The following DENND5A variants were observed in gnomAD, a reference collection of about 807,000 sequenced individuals.
DENND5A encodes the protein DENN domain containing 5A.
In DENND5A, 64 loss-of-function variants were observed where a neutral mutation model predicts 140.3. The ratio of observed to expected loss-of-function variants is 0.46; its 90% CI spans 0.37 to 0.56. The LOEUF (loss-of-function observed/expected upper bound fraction) is 0.56. Ranked by LOEUF, DENND5A falls within the 20% of genes least tolerant of loss-of-function variation. The pLI is 0.00. For synonymous variants in DENND5A, 605 were observed against 607.7 expected (o/e 1.00, Z 0.07); for missense variants, 1,292 against 1,593.8 (o/e 0.81, Z 3.22).
chr11:9,245,113 T>A (rs957566439), intron 1 of DENND5A, among the ~76,000 whole-genome samples: 2 of 150,560 alleles, frequency 1.3e-5, no homozygotes, highest in African/African-American at 4.9e-5. Context: ...TGAAACCCCG[T>A]TTCTACTAAA....
intron 1 of DENND5A, among the ~76,000 whole-genome samples, chr11:9,215,550 CTT>C (rs10655528): frequency 5.0e-5 from 7 of 140,488 alleles, no homozygotes; most frequent in Non-Finnish European, 6.1e-5. Context: ...ATCCTGTGTT[CTT>C]TTTTTTTTTT....
At chr11:9,237,090 A>AT (rs201399064) in intron 1 of DENND5A, among the ~76,000 whole-genome samples, 1 of 152,222 alleles carries the variant, frequency 6.6e-6, no homozygotes, top group East Asian at 1.9e-4. Context: ...ATATGAAAAG[A>AT]TGTTCAGCCT....
chr11:9,143,454 G>C lies in DENND5A; in HGVS notation c.3336C>G (p.Ile1112Met), dbSNP rs1340813014. ...KLNTGQIQES[I>M]GEAVNGIVKH... is the part of the protein sequence containing the mutation. Reference sequence around the variant, plus strand: ...TCACAATGCCATTGACTGCCTCCCCGATGGACTCCTGGATCTGCCCAGTGT... The same window carrying C: ...TCACAATGCCATTGACTGCCTCCCCCATGGACTCCTGGATCTGCCCAGTGT... The change falls in exon 20 of 23, where the codon ATC becomes ATG. Residue 1112 changes from isoleucine (I) to methionine (M), a missense_variant. By Grantham distance (10) the Ile-to-Met change is conservative. Coordinates refer to ENST00000328194, the MANE Select transcript of DENND5A (RefSeq NM_015213.4). 1.9e-6 allele frequency: 3 copies of C among 1,614,010 alleles called. No individual in the cohort carries two copies. The highest frequency in any genetic ancestry group is 2.5e-6 in the Non-Finnish European group (3 of 1,179,998).
chr11:9,190,155 G>A (rs1849067248), intron 5 of DENND5A, among the ~76,000 whole-genome samples: 1 of 152,154 alleles, frequency 6.6e-6, no homozygotes, highest in Non-Finnish European at 1.5e-5. Context: ...ACTTGCTTTT[G>A]ATTTTACAGG....
chr11:9,264,865 G>T, intron 1 of DENND5A, 96 bp downstream of exon 1: 1 of 1,158,072 alleles, frequency 8.6e-7, no homozygotes, highest in Non-Finnish European at 1.2e-6. Context: ...ACACTCGCCC[G>T]GCTCCCGGGA....
chr11:9,174,932 G>C (rs1310518411), intron 8 of DENND5A, among the ~76,000 whole-genome samples: 1 of 151,656 alleles, frequency 6.6e-6, no homozygotes, highest in Admixed American at 6.6e-5. Flanking sequence ...TCGTACTAGA[G>C]GTTCAAGCCA....
At chr11:9,243,613 C>T (rs1851336237) in intron 1 of DENND5A, among the ~76,000 whole-genome samples, 1 of 152,190 alleles carries the variant, frequency 6.6e-6, no homozygotes, top group South Asian at 2.1e-4. Context: ...CCCAGCCAGG[C>T]ACGGTGGCTC....
intron 5 of DENND5A, among the ~76,000 whole-genome samples, chr11:9,185,328 T>C (rs1004660408): frequency 6.6e-6 from 1 of 152,230 alleles, no homozygotes; most frequent in Non-Finnish European, 1.5e-5. Flanking sequence ...AGATTTAAAC[T>C]TGTGCTTTTG....
chr11:9,156,620 C>A (rs1324806854), intron 12 of DENND5A, among the ~76,000 whole-genome samples: 3 of 149,656 alleles, frequency 2.0e-5, no homozygotes, highest in Non-Finnish European at 3.0e-5. Flanking sequence ...GAGCGAGACT[C>A]CGTCTCAAAA....
At chr11:9,221,119 T>C (rs928186094) in intron 1 of DENND5A, among the ~76,000 whole-genome samples, 2 of 151,288 alleles carry the variant, frequency 1.3e-5, no homozygotes, top group Non-Finnish European at 1.5e-5. Flanking sequence ...AAAACTTTGG[T>C]ATCAGAATCA....
intron 1 of DENND5A, among the ~76,000 whole-genome samples, chr11:9,224,067 G>C (rs1850433480): frequency 6.6e-6 from 1 of 152,134 alleles, no homozygotes; most frequent in Admixed American, 6.5e-5. Context: ...GGTGGCGCAT[G>C]CCTGTAATCC....
intron 1 of DENND5A, among the ~76,000 whole-genome samples, chr11:9,218,858 T>C (rs780388259): frequency 6.6e-6 from 1 of 151,810 alleles, no homozygotes; most frequent in South Asian, 2.1e-4. Flanking sequence ...AAATAAAAAT[T>C]AGCCAGGCGT....
intron 11 of DENND5A, among the ~76,000 whole-genome samples, chr11:9,161,796 T>A (rs536733153): frequency 1.9e-3 from 296 of 152,252 alleles, no homozygotes; most frequent in Admixed American, 4.0e-3. Flanking sequence ...ATACGGAAAT[T>A]GAGAAATACA....
At chr11:9,235,358 C>A (rs939735235) in intron 1 of DENND5A, among the ~76,000 whole-genome samples, 1 of 152,060 alleles carries the variant, frequency 6.6e-6, no homozygotes, top group Non-Finnish European at 1.5e-5. Context: ...CATGGATGAA[C>A]CTTAAAAACA....
At chr11:9,223,490 A>C (rs1387807464) in intron 1 of DENND5A, among the ~76,000 whole-genome samples, 4 of 152,118 alleles carry the variant, frequency 2.6e-5, no homozygotes, top group African/African-American at 9.7e-5. Flanking sequence ...CAGTGAGCCA[A>C]GATCTCACCA....
intron 1 of DENND5A, among the ~76,000 whole-genome samples, chr11:9,251,782 G>A (rs1174385196): frequency 6.6e-6 from 1 of 151,706 alleles, no homozygotes; most frequent in Non-Finnish European, 1.5e-5. Flanking sequence ...GAGGTCAGGA[G>A]ATCGAGACCA....
At chr11:9,243,112 A>AAAAAAAC (rs1851315076) in intron 1 of DENND5A, among the ~76,000 whole-genome samples, 1 of 150,156 alleles carries the variant, frequency 6.7e-6, no homozygotes. Context: ...AAACAAAAAA[A>AAAAAAAC]AAAACTGAGG....
At position 9,206,198 on chromosome 11, in the gene DENND5A, A is replaced by G. The variant is rs375971178; in HGVS notation, c.291+475T>C. On this transcript the variant is annotated intron_variant, in intron 3 of 22. Coordinates refer to ENST00000328194, the MANE Select transcript of DENND5A (RefSeq NM_015213.4). ...ATAAAGGTTAGCTTACTCTAGTGGT[A>G]TATTCTTCCACATGAGATTTTTAAA... is the stretch of plus-strand genomic sequence containing the variant. Among the ~76,000 whole-genome samples, 3 of 152,348 alleles carry G rather than the reference A, an allele frequency of 2.0e-5. No individual in the cohort carries two copies. The East Asian group carries it at 5.8e-4, about 29-fold the overall frequency.
chr11:9,199,235 T>C (rs1422108118), intron 4 of DENND5A, among the ~76,000 whole-genome samples: 1 of 151,966 alleles, frequency 6.6e-6, no homozygotes, highest in Non-Finnish European at 1.5e-5. Context: ...CAGTGGCTCA[T>C]GCCTGTAATC....
Sources: allele counts gnomAD v4.1 joint callset (sites outside exome capture counted in the v4.1 genomes callset), GRCh38; gene constraint gnomAD v4.1.1; transcripts MANE v1.5; gene names NCBI Gene and HGNC (gene_info 2026-07-23, HGNC 2026-07-21).